Variants in INPP5D observed in about 807,000 individuals in gnomAD.
INPP5D encodes the protein inositol polyphosphate-5-phosphatase D, also known as phosphatidylinositol 3,4,5-trisphosphate 5-phosphatase 1.
A neutral mutation model predicts 122.9 loss-of-function variants in INPP5D; 33 were observed. The observed-to-expected ratio is 0.27, with a 90% confidence interval of 0.20 to 0.36. The LOEUF (loss-of-function observed/expected upper bound fraction) is 0.36. Among genes scored for constraint, INPP5D ranks in the 10% least tolerant of loss-of-function variants. The probability of loss-of-function intolerance (pLI) is 1.00; values close to 1 mark genes in which losing one functional copy is unlikely to be tolerated. For missense variants in INPP5D, 1,053 were observed against 1,412.7 expected, an observed-to-expected ratio of 0.75 and a Z score of 4.08; for synonymous variants, 584 against 576.2, an observed-to-expected ratio of 1.01 and a Z score of -0.19.
chr2:233,091,137 G>C (rs1047871879), intron 2 of INPP5D, among the ~76,000 whole-genome samples: 1 of 152,122 alleles, frequency 6.6e-6, no homozygotes. Flanking sequence ...CCTGCCTTGT[G>C]CTTGGGACTC....
In INPP5D at chr2:233,198,156, G is replaced by A. The variant is rs372813242; in HGVS notation, c.2755G>A (p.Gly919Arg). 5 of 1,613,192 alleles carry A rather than the reference G, an allele frequency of 3.1e-6. No homozygotes were observed. The African/African-American group carries it at 5.3e-5, about 17-fold the overall frequency. Residue 919 changes from glycine to arginine, a missense_variant, in exon 25 of 27, where the codon GGG (glycine) becomes AGG (arginine). Physicochemically the swap from Gly to Arg is moderately radical, Grantham distance 125. Transcript: ENST00000445964. ...EIINPNYMGV[G>R]PFGPPMPLHV... ...CATCAACCCCAACTACATGGGAGTG[G>A]GGCCCTTTGGGCCACCAATGCCCCT...
chr2:233,176,070 G>A (rs10199551), intron 17 of INPP5D, among the ~76,000 whole-genome samples: 37,775 of 152,126 alleles, frequency 0.25, 4,843 homozygotes, highest in East Asian at 0.41. Flanking sequence ...GCTCTTTCAG[G>A]ATGAGTTCCT....
intron 14 of INPP5D, 134 bp downstream of exon 14, chr2:233,169,535 C>G (rs1415572473): frequency 7.3e-7 from 1 of 1,361,670 alleles, no homozygotes; most frequent in Non-Finnish European, 9.9e-7. Context: ...CTTTCAGGGC[C>G]CACCACAGTC....
intron 9 of INPP5D, among the ~76,000 whole-genome samples, chr2:233,157,868 G>T (rs1694095584): frequency 8.2e-6 from 1 of 122,300 alleles, no homozygotes; most frequent in Admixed American, 8.6e-5. Context: ...ACTATTGTTT[G>T]CAAAAACCTT....
intron 5 of INPP5D, chr2:233,133,839 G>A (rs1693396084): frequency 5.0e-6 from 2 of 401,938 alleles, no homozygotes; most frequent in Non-Finnish European, 5.1e-6. Context: ...AGTGAGACAG[G>A]ATGGCAGTCC....
At chr2:233,090,686 G>A (rs748300588) in intron 2 of INPP5D, among the ~76,000 whole-genome samples, 4 of 152,138 alleles carry the variant, frequency 2.6e-5, no homozygotes, top group Non-Finnish European at 4.4e-5. Context: ...GGTCGGGCAC[G>A]GTGGCTCATG....
In INPP5D at chr2:233,206,001, C is replaced by G. The variant is rs1695488994; in HGVS notation, c.3568-705C>G. ...GGCTGAGACAGGAGAATTGCTTGAA[C>G]CCAGGAGGCGGAGGTTGCAGTGAAC... On this transcript the variant is annotated intron_variant, in intron 26 of 26. Coordinates refer to ENST00000445964, the MANE Select transcript of INPP5D (RefSeq NM_001017915.3). The surrounding 1 kb of genome is among the most constrained non-coding windows in gnomAD (Gnocchi z 4.0). 6.6e-6 allele frequency among the ~76,000 whole-genome samples: 1 copy of G among 152,096 alleles called. No homozygotes were observed.
At chr2:233,165,784 G>C (rs148272222) in intron 13 of INPP5D, among the ~76,000 whole-genome samples, 31 of 152,196 alleles carry the variant, frequency 2.0e-4, no homozygotes, top group African/African-American at 7.2e-4. Flanking sequence ...GTGTTTATGA[G>C]AGTCTAGGTA....
Position 233,189,792 on chromosome 2 carries a change from C to A in INPP5D, c.2359-58C>A. Reference sequence around the variant, plus strand: ...CATCTTCATCCACTTGTCCACCCACCTGTCCCCTCACCTGTCCCTTGCCCA... The same window carrying A: ...CATCTTCATCCACTTGTCCACCCACATGTCCCCTCACCTGTCCCTTGCCCA... On this transcript the variant is annotated intron_variant, in intron 21 of 26. Transcript: ENST00000445964. This position sits in a 1 kb window ranked among gnomAD's most constrained non-coding sequence, Gnocchi z 5.6. 1.3e-6 allele frequency: 2 copies of A among 1,589,300 alleles called. No individual in the cohort carries two copies. The highest frequency in any genetic ancestry group is 2.3e-5 in the East Asian group (1 of 44,266).
In INPP5D at chr2:233,198,288, A is replaced by G; in HGVS notation, c.2887A>G (p.Thr963Ala). ...GCCCTGCAGGGGAGAAAGTCCTCCG[A>G]CACCTCCCGGCCAGCCGCCCATATC... ...LGPCRGESPP[T>A]PPGQPPISPK... is the part of the protein sequence containing the mutation. The change falls in exon 25 of 27, where the codon ACA (threonine) becomes GCA (alanine). Residue 963 changes from threonine to alanine, a missense_variant. By Grantham distance (58) the Thr-to-Ala change is moderately conservative (BLOSUM62 0). This residue lies in a region of INPP5D where 417 missense variants were observed against 425.8 expected (regional missense o/e 0.98). Transcript: ENST00000445964. 1 of 1,613,302 alleles carries G rather than the reference A, an allele frequency of 6.2e-7. No homozygotes were observed. The highest frequency in any genetic ancestry group is 8.5e-7 in the Non-Finnish European group (1 of 1,179,832).
At chr2:233,131,816 G>A (rs1036336052) in intron 5 of INPP5D, among the ~76,000 whole-genome samples, 21 of 152,330 alleles carry the variant, frequency 1.4e-4, no homozygotes, top group Middle Eastern at 3.4e-3. Context: ...ACATACAGCC[G>A]TTTCAAGATT....
chr2:233,164,461 C>T lies in INPP5D; in HGVS notation c.1555+37C>T, dbSNP rs1178311076. The T allele has an allele frequency of 1.8e-5, 27 of 1,514,534 alleles. 1 individual carries two copies. The South Asian group carries it at 3.2e-4, about 18-fold the overall frequency. 93.8% of individuals were successfully genotyped at this position (1,514,534 alleles called of 1,614,324 possible). On this transcript the variant is annotated intron_variant, in intron 13 of 26. Coordinates refer to ENST00000445964, the MANE Select transcript of INPP5D (RefSeq NM_001017915.3). The surrounding 1 kb of genome is among the most constrained non-coding windows in gnomAD (Gnocchi z 4.3). The stretch of plus-strand genomic sequence containing the variant: ...GGGGACCCTGTGTTCCTCCCACACC[C>T]TCTGCCTCAACTCTCGCGACCACAT...
intron 5 of INPP5D, 140 bp from the exon 6 acceptor site, chr2:233,139,702 C>T (rs995133760): frequency 1.0e-4 from 39 of 390,454 alleles, no homozygotes; most frequent in Non-Finnish European, 1.3e-4. Flanking sequence ...GATCTTTGCC[C>T]GGGCTTGTCC....
At chr2:233,081,474 C>T (rs771164793) in intron 2 of INPP5D, among the ~76,000 whole-genome samples, 6 of 152,194 alleles carry the variant, frequency 3.9e-5, no homozygotes, top group Non-Finnish European at 7.3e-5. Flanking sequence ...AGACATGACT[C>T]TGTGGCTTCT....
Position 233,183,171 on chromosome 2 carries a change from T to C in INPP5D, c.2161+672T>C, listed in dbSNP as rs1694827111. Among the ~76,000 whole-genome samples the C allele has an allele frequency of 6.6e-6, 1 of 152,208 alleles. No individual in the cohort carries two copies. The highest frequency in any genetic ancestry group is 1.5e-5 in the Non-Finnish European group (1 of 68,032). On this transcript the variant is annotated intron_variant, in intron 19 of 26. Coordinates refer to ENST00000445964, the MANE Select transcript of INPP5D (RefSeq NM_001017915.3). This position sits in a 1 kb window ranked among gnomAD's most constrained non-coding sequence, Gnocchi z 4.6. ...GCTGGGCCAGGTGTTCTCTGTAATG[T>C]GCCCATCCAGCCCTTGGCCTAGGTG...
At chr2:233,119,422 C>T (rs1339507092) in intron 2 of INPP5D, among the ~76,000 whole-genome samples, 1 of 152,150 alleles carries the variant, frequency 6.6e-6, no homozygotes, top group African/African-American at 2.4e-5. Context: ...ATTCTGCTCA[C>T]TTTGGTTTTT....
intron 23 of INPP5D, among the ~76,000 whole-genome samples, chr2:233,194,819 T>C (rs969534673): frequency 6.6e-6 from 1 of 151,700 alleles, no homozygotes; most frequent in African/African-American, 2.4e-5. Flanking sequence ...TCTTTCTTTT[T>C]TGGAGACAGT....
At chr2:233,068,360 T>C (rs1691284413) in intron 1 of INPP5D, among the ~76,000 whole-genome samples, 1 of 150,920 alleles carries the variant, frequency 6.6e-6, no homozygotes, top group Non-Finnish European at 1.5e-5. Context: ...TTTGGGAGGC[T>C]GAGGCAAGAG....
In INPP5D at chr2:233,161,716, A is replaced by G. The variant is rs1346899585; in HGVS notation, c.1138-8A>G. 6.2e-7 allele frequency: 1 copy of G among 1,610,988 alleles called. No homozygotes were observed. Among genetic ancestry groups the G allele is most frequent in the Non-Finnish European group, 8.5e-7 (1 of 1,178,408 alleles). ...CCTTTCTAAGTCTGTCTGCCCTTCC[A>G]TCCCTAGAAGAGAGAAGGCTTCTGC... On this transcript the variant is annotated splice_region_variant and splice_polypyrimidine_tract_variant and intron_variant, in intron 10 of 26. Transcript: ENST00000445964.
Sources: gnomAD v4.1 joint callset for allele counts (sites outside exome capture counted in the v4.1 genomes callset) on GRCh38, gnomAD v4.1.1 for gene constraint, gnomAD v4.1.1 regional missense constraint, Gnocchi (gnomAD v3.1) non-coding constraint, MANE v1.5 for transcripts, NCBI Gene and HGNC (gene_info 2026-07-23, HGNC 2026-07-21) for gene names.